The following PTPRM variants were observed in gnomAD, a reference collection of about 807,000 sequenced individuals.
PTPRM encodes receptor-type tyrosine-protein phosphatase mu.
In PTPRM, 47 loss-of-function variants were observed where a neutral mutation model predicts 186.7. The observed-to-expected ratio is 0.25, with a 90% CI of 0.20 to 0.32. The LOEUF is 0.32. PTPRM is among the 10% of genes least tolerant of loss of function. PTPRM has a pLI of 1.00. For missense variants in PTPRM, 1,494 were observed against 1,865.0 expected, an observed-to-expected ratio of 0.80 and a Z score of 3.66; for synonymous variants, 668 against 674.9, an observed-to-expected ratio of 0.99 and a Z score of 0.16.
chr18:7,834,417 ATG>A (rs2045916742), intron 2 of PTPRM, among the ~76,000 whole-genome samples: 1 of 18,786 alleles, frequency 5.3e-5, no homozygotes, highest in Non-Finnish European at 9.0e-5. Context: ...AATATAATAT[ATG>A]TATATGTAAA....
chr18:7,690,481 G>T (rs1190315448), intron 1 of PTPRM, among the ~76,000 whole-genome samples: 2 of 152,072 alleles, frequency 1.3e-5, no homozygotes, highest in South Asian at 2.1e-4. Context: ...GGCTTACTGG[G>T]CTGAGAGTAC....
intron 5 of PTPRM, among the ~76,000 whole-genome samples, chr18:7,948,925 A>G (rs1424301010): frequency 6.6e-6 from 1 of 152,242 alleles, no homozygotes. Flanking sequence ...ACTAATTAAC[A>G]TAATATTTTG....
At chr18:7,856,816 G>A (rs2047120211) in intron 2 of PTPRM, among the ~76,000 whole-genome samples, 1 of 151,710 alleles carries the variant, frequency 6.6e-6, no homozygotes. Flanking sequence ...CTAAGCTGTA[G>A]ACAGATGGTG....
intron 7 of PTPRM, among the ~76,000 whole-genome samples, chr18:7,964,444 T>C (rs557181215): frequency 2.0e-5 from 3 of 152,160 alleles, no homozygotes; most frequent in African/African-American, 7.2e-5. Context: ...TCAGTGTTTT[T>C]TTGTTGTTGT....
chr18:8,340,560 C>G (rs2095468537), intron 22 of PTPRM, among the ~76,000 whole-genome samples: 1 of 152,144 alleles, frequency 6.6e-6, no homozygotes. Flanking sequence ...TGCCCAGCCG[C>G]AGAGGTGAGG....
chr18:8,019,387 C>G (rs2085069805), intron 7 of PTPRM, among the ~76,000 whole-genome samples: 1 of 152,100 alleles, frequency 6.6e-6, no homozygotes, highest in Non-Finnish European at 1.5e-5. Context: ...TGTTTTGGCC[C>G]TTGTGGGAAC....
At chr18:8,127,853 A>G (rs961292917) in intron 13 of PTPRM, among the ~76,000 whole-genome samples, 1 of 152,168 alleles carries the variant, frequency 6.6e-6, no homozygotes, top group African/African-American at 2.4e-5. Context: ...AGGAACATTC[A>G]TGGAAGTGTA....
chr18:7,833,763 ACAACAACAACAACAAC>A (rs2045883219), intron 2 of PTPRM, among the ~76,000 whole-genome samples: 2 of 151,698 alleles, frequency 1.3e-5, no homozygotes, highest in Admixed American at 6.6e-5. Context: ...AACAACAACA[ACAACAACAACAACAAC>A]AACAAAAGCA....
At position 7,966,491 on chromosome 18, in the gene PTPRM, C is replaced by A. The variant is rs979570232; in HGVS notation, c.1132+11077C>A. Among the ~76,000 whole-genome samples, 11 of 152,068 alleles carry A rather than the reference C, an allele frequency of 7.2e-5. No homozygotes were observed. In the East Asian group the frequency reaches 2.1e-3, roughly 30 times the overall value. On this transcript the variant is annotated intron_variant, in intron 7 of 32. Coordinates refer to ENST00000580170, the MANE Select transcript of PTPRM (RefSeq NM_001105244.2). The stretch of plus-strand genomic sequence containing the variant: ...ATAGGAACAGCTCCGGTCTACAGCT[C>A]CCAGCGTGAGCGACGCAGAAGACGG...
At chr18:7,743,899 C>T (rs2040932779) in intron 1 of PTPRM, among the ~76,000 whole-genome samples, 1 of 152,152 alleles carries the variant, frequency 6.6e-6, no homozygotes, top group Non-Finnish European at 1.5e-5. Context: ...GTGCTCTTTT[C>T]TAAGAGGCTT....
intron 5 of PTPRM, among the ~76,000 whole-genome samples, chr18:7,945,701 GT>G (rs796468288): frequency 1.3e-5 from 2 of 151,202 alleles, no homozygotes; most frequent in South Asian, 2.1e-4. Flanking sequence ...TGCCTTGTCT[GT>G]TTTTTTTTCT....
intron 2 of PTPRM, among the ~76,000 whole-genome samples, chr18:7,856,071 AC>A (rs766253213): frequency 4.6e-5 from 7 of 152,140 alleles, no homozygotes; most frequent in Non-Finnish European, 8.8e-5. Context: ...CAAGGACTAG[AC>A]TTTTTCATCT....
At chr18:7,836,527 G>C (rs980376206) in intron 2 of PTPRM, among the ~76,000 whole-genome samples, 11 of 152,070 alleles carry the variant, frequency 7.2e-5, no homozygotes, top group African/African-American at 2.4e-4. Context: ...AAATATAAGA[G>C]TAGTTTACAC....
At chr18:7,866,645 G>A (rs1381965077) in intron 2 of PTPRM, among the ~76,000 whole-genome samples, 2 of 152,182 alleles carry the variant, frequency 1.3e-5, no homozygotes, top group Non-Finnish European at 2.9e-5. Flanking sequence ...ATGTGCTGCT[G>A]AGAAAAATTC....
intron 7 of PTPRM, among the ~76,000 whole-genome samples, chr18:7,956,015 A>G (rs989486450): frequency 2.6e-4 from 39 of 152,222 alleles, no homozygotes; most frequent in African/African-American, 9.2e-4. Flanking sequence ...AGTAGGGTTA[A>G]TGGAGAGAGA....
chr18:7,991,908 G>A (rs567481138), intron 7 of PTPRM, among the ~76,000 whole-genome samples: 2 of 152,104 alleles, frequency 1.3e-5, no homozygotes, highest in Non-Finnish European at 2.9e-5. Context: ...AGATTCTCAG[G>A]AGATTAACAA....
intron 13 of PTPRM, among the ~76,000 whole-genome samples, chr18:8,117,979 A>T (rs1051488148): frequency 6.6e-6 from 1 of 152,054 alleles, no homozygotes; most frequent in African/African-American, 2.4e-5. Flanking sequence ...TGTTTTCTTT[A>T]GCTTTTATAT....
intron 1 of PTPRM, among the ~76,000 whole-genome samples, chr18:7,663,071 C>T (rs1486897354): frequency 6.6e-6 from 1 of 152,056 alleles, no homozygotes; most frequent in Non-Finnish European, 1.5e-5. Flanking sequence ...TGGTCATGGG[C>T]CAGGACGTGG....
intron 22 of PTPRM, among the ~76,000 whole-genome samples, chr18:8,321,220 AG>A (rs2095343514): frequency 6.6e-6 from 1 of 152,166 alleles, no homozygotes; most frequent in Non-Finnish European, 1.5e-5. Flanking sequence ...AATACTCCCG[AG>A]CTTCATTTCT....
Sources: allele counts gnomAD v4.1 joint callset (sites outside exome capture counted in the v4.1 genomes callset), GRCh38; gene constraint gnomAD v4.1.1; transcripts MANE v1.5; gene names NCBI Gene and HGNC (gene_info 2026-07-23, HGNC 2026-07-21).